The following USH1C variants were observed in gnomAD, a reference collection of about 807,000 sequenced individuals.
USH1C encodes the protein harmonin.
Under a neutral mutation model 119.3 loss-of-function variants are expected in USH1C, and 90 were observed. The ratio of observed to expected loss-of-function variants is 0.75; its 90% CI spans 0.64 to 0.90. USH1C has a LOEUF of 0.90. Among genes scored for constraint, USH1C ranks in the 40% least tolerant of loss-of-function variants. The pLI, the probability that USH1C is intolerant of heterozygous loss-of-function variation, is 0.00. For missense variants in USH1C, 1,165 were observed against 1,167.7 expected (o/e 1.00, Z 0.03); for synonymous variants, 465 against 443.3 (o/e 1.05, Z -0.62).
chr11:17,541,091 T>C (rs7102246), intron 1 of USH1C, among the ~76,000 whole-genome samples: 78,737 of 151,962 alleles, frequency 0.52, 20,758 homozygotes, highest in African/African-American at 0.61. Context: ...TACATGTATC[T>C]CTGTGGCTCC....
chr11:17,521,222 AG>A lies in USH1C; in HGVS notation c.1085+123del, dbSNP rs1850398596. 9 of 1,145,206 alleles carry A rather than the reference AG, an allele frequency of 7.9e-6. No homozygotes were observed. In the Admixed American group the frequency reaches 1.4e-4, roughly 17 times the overall value. The allele number at this position is 1,145,206 out of a possible 1,614,324, so 70.9% of individuals were successfully genotyped here. A position where few individuals can be genotyped will look rare whatever the true frequency, so the allele number is the denominator to read the frequency against. ...ATATGACAGGCTTTACTACAAATAA[AG>A]GAGGACCCACCAGGGGATGAGAGAA... On this transcript the variant is annotated intron_variant, in intron 13 of 26. Coordinates refer to ENST00000005226, the MANE Select transcript of USH1C (RefSeq NM_153676.4).
At chr11:17,500,131 G>A (rs754108166) in intron 23 of USH1C, among the ~76,000 whole-genome samples, 2 of 152,224 alleles carry the variant, frequency 1.3e-5, no homozygotes, top group Non-Finnish European at 2.9e-5. Flanking sequence ...GTCTGCAAAG[G>A]TTTCACTCAT....
intron 1 of USH1C, among the ~76,000 whole-genome samples, chr11:17,534,667 G>C (rs1050616626): frequency 6.6e-6 from 1 of 152,152 alleles, no homozygotes. Flanking sequence ...CTGAGATCAG[G>C]AGTTTGAGAC....
chr11:17,512,188 G>C, intron 15 of USH1C, 134 bp from the exon 16 acceptor site: 1 of 990,358 alleles, frequency 1.0e-6, no homozygotes, highest in Non-Finnish European at 1.6e-6. Flanking sequence ...CACCACTCTG[G>C]ACATCAGACC....
At position 17,494,298 on chromosome 11, in the gene USH1C, G is replaced by C. The variant is rs772139842; in HGVS notation, c.*34C>G. ...TCTCTCAAGGCTGATCCGAGGCTTT[G>C]TGTTCACGAGGTGGGGCCGGAGCTC... On this transcript the variant is annotated 3_prime_UTR_variant, in exon 27 of 27. Transcript: ENST00000005226. The C allele has an allele frequency of 6.2e-7, 1 of 1,603,358 alleles. No individual in the cohort carries two copies. The highest frequency in any genetic ancestry group is 8.5e-7 in the Non-Finnish European group (1 of 1,174,556).
chr11:17,529,911 C>T (rs1228697788), intron 4 of USH1C, among the ~76,000 whole-genome samples: 2 of 152,178 alleles, frequency 1.3e-5, no homozygotes, highest in African/African-American at 2.4e-5. Flanking sequence ...TAAGAGAGCT[C>T]GCCCTGGAAA....
chr11:17,542,990 T>G (rs1851532595), intron 1 of USH1C, among the ~76,000 whole-genome samples: 1 of 152,212 alleles, frequency 6.6e-6, no homozygotes. Flanking sequence ...GAGCTGTCCC[T>G]TTGTGCCCCT....
In USH1C at chr11:17,501,921, A is replaced by G. The variant is rs1221871962; in HGVS notation, c.2226+18T>C. The G allele has an allele frequency of 1.2e-6, 2 of 1,613,068 alleles. No homozygotes were observed. Among genetic ancestry groups the G allele is most frequent in the Non-Finnish European group, 1.7e-6 (2 of 1,179,578 alleles). ...GTTCCTGGGGTTACTTGTCCAGGAG[A>G]GAAGCGTCATCTCTTACCATAGAGT... On this transcript the variant is annotated intron_variant, in intron 21 of 26. Coordinates refer to ENST00000005226, the MANE Select transcript of USH1C (RefSeq NM_153676.4).
chr11:17,535,931 G>A (rs112563315), intron 1 of USH1C, among the ~76,000 whole-genome samples: 3,668 of 152,238 alleles, frequency 0.024, 144 homozygotes, highest in African/African-American at 0.084. Flanking sequence ...GCTACGCCAC[G>A]ATGACCATTG....
chr11:17,521,239 G>T, intron 13 of USH1C, 107 bp downstream of exon 13: 1 of 1,237,736 alleles, frequency 8.1e-7, no homozygotes, highest in East Asian at 2.3e-5. Flanking sequence ...CCCACCAGGG[G>T]ATGAGAGAAC....
At chr11:17,495,428 G>A (rs929047259) in intron 26 of USH1C, 141 bp downstream of exon 26, 1 of 878,962 alleles carries the variant, frequency 1.1e-6, no homozygotes, top group East Asian at 2.4e-5. Flanking sequence ...GCCAACAGCA[G>A]GCCCCAGGCA....
At chr11:17,528,417 C>T (rs555178249) in intron 4 of USH1C, among the ~76,000 whole-genome samples, 1 of 152,372 alleles carries the variant, frequency 6.6e-6, no homozygotes, top group Admixed American at 6.5e-5. Context: ...CAGATAACAG[C>T]TGAAGCTGAA....
intron 8 of USH1C, among the ~76,000 whole-genome samples, chr11:17,526,104 G>C (rs1592010338): frequency 6.6e-6 from 1 of 152,318 alleles, no homozygotes; most frequent in Non-Finnish European, 1.5e-5. Context: ...AGGAGGCTGA[G>C]GTGGGAGGAT....
In USH1C at chr11:17,494,296, T is replaced by A; in HGVS notation, c.*36A>T. 1 of 1,602,674 alleles carries A rather than the reference T, an allele frequency of 6.2e-7. No homozygotes were observed. The highest frequency in any genetic ancestry group is 1.1e-5 in the South Asian group (1 of 88,618). On this transcript the variant is annotated 3_prime_UTR_variant, in exon 27 of 27. Transcript: ENST00000005226. ...CCTCTCTCAAGGCTGATCCGAGGCT[T>A]TGTGTTCACGAGGTGGGGCCGGAGC...
chr11:17,531,038 C>T lies in USH1C; in HGVS notation c.387+116G>A. Reference sequence around the variant, plus strand: ...CAGGATGCGCCAGCCTCTTCTTCACCCGAAGGCTCAGAAAAGTGGGTGACC... The same window carrying T: ...CAGGATGCGCCAGCCTCTTCTTCACTCGAAGGCTCAGAAAAGTGGGTGACC... On this transcript the variant is annotated intron_variant, in intron 4 of 26. Transcript: ENST00000005226. This position sits in a 1 kb window ranked among gnomAD's most constrained non-coding sequence, Gnocchi z 4.2. The T allele has an allele frequency of 6.5e-7, 1 of 1,531,874 alleles. No homozygotes were observed. Among genetic ancestry groups the T allele is most frequent in the Non-Finnish European group, 8.9e-7 (1 of 1,125,976 alleles). The allele number at this position is 1,531,874 out of a possible 1,614,324, so 94.9% of individuals were successfully genotyped here.
intron 1 of USH1C, 50 bp from the exon 2 acceptor site, chr11:17,533,372 C>CCG (rs3033420): frequency 4.7e-5 from 63 of 1,343,588 alleles, no homozygotes; most frequent in Admixed American, 2.5e-4. Context: ...CACCCGCCCC[C>CCG]ATAGCAGACC....
chr11:17,516,520 G>T, intron 14 of USH1C: 1 of 570,518 alleles, frequency 1.8e-6, no homozygotes, highest in Non-Finnish European at 3.2e-6. Flanking sequence ...CCCAGGCCCT[G>T]GGTCACTCTC....
intron 4 of USH1C, among the ~76,000 whole-genome samples, chr11:17,528,933 G>A (rs902060128): frequency 6.6e-6 from 1 of 152,188 alleles, no homozygotes; most frequent in Non-Finnish European, 1.5e-5. Flanking sequence ...TCTGTTAATC[G>A]GATGAGAAAA....
intron 23 of USH1C, among the ~76,000 whole-genome samples, chr11:17,498,841 G>C (rs150515676): frequency 6.6e-6 from 1 of 152,204 alleles, no homozygotes; most frequent in Non-Finnish European, 1.5e-5. Flanking sequence ...TAATCTGTTT[G>C]TTTACTGATG....
Sources: allele counts gnomAD v4.1 joint callset (sites outside exome capture counted in the v4.1 genomes callset), GRCh38; gene constraint gnomAD v4.1.1; non-coding constraint Gnocchi (gnomAD v3.1); transcripts MANE v1.5; gene names NCBI Gene and HGNC (gene_info 2026-07-23, HGNC 2026-07-21).